Variants in LARS2 observed in about 807,000 individuals in gnomAD.
The protein encoded by LARS2 is leucyl-tRNA synthetase 2, mitochondrial, also known as leucine--tRNA ligase, mitochondrial.
In LARS2, 81 loss-of-function variants were observed where a neutral mutation model predicts 116.6. The observed-to-expected ratio is 0.69, with a 90% CI of 0.58 to 0.84. The LOEUF (loss-of-function observed/expected upper bound fraction) is 0.84. Ranked by LOEUF, LARS2 falls within the 40% of genes least tolerant of loss-of-function variation. The probability of loss-of-function intolerance (pLI) is 0.00; values close to 1 mark genes in which losing one functional copy is unlikely to be tolerated. For synonymous variants in LARS2, 396 were observed against 407.2 expected, an observed-to-expected ratio of 0.97 and a Z score of 0.33; for missense variants, 968 against 1,114.5, an observed-to-expected ratio of 0.87 and a Z score of 1.87.
At chr3:45,520,028 AAC>A (rs1314677553) in intron 18 of LARS2, among the ~76,000 whole-genome samples, 189 bp from the exon 19 acceptor site, 1 of 152,224 alleles carries the variant, frequency 6.6e-6, no homozygotes, top group Admixed American at 6.5e-5. Context: ...AAACAGTGGA[AAC>A]AGTGTTGACT....
chr3:45,429,698 CTTTTTTTTTTTT>C (rs35874596), intron 6 of LARS2, among the ~76,000 whole-genome samples: 1 of 108,140 alleles, frequency 9.2e-6, no homozygotes, highest in South Asian at 3.2e-4. Context: ...CATCCTTCTG[CTTTTTTTTTTTT>C]TTTTTTTTTG....
intron 17 of LARS2, among the ~76,000 whole-genome samples, chr3:45,516,787 C>T (rs1166854630): frequency 6.6e-6 from 1 of 152,174 alleles, no homozygotes; most frequent in African/African-American, 2.4e-5. Flanking sequence ...CCTGTTGTTA[C>T]CTATGGCCTC....
intron 4 of LARS2, among the ~76,000 whole-genome samples, chr3:45,414,511 A>C (rs945206904): frequency 1.3e-5 from 2 of 152,188 alleles, no homozygotes; most frequent in Admixed American, 1.3e-4. Context: ...AGTGCCTCTC[A>C]GTATTCGTCA....
chr3:45,483,238 C>T (rs764438354), intron 10 of LARS2, among the ~76,000 whole-genome samples: 31 of 152,342 alleles, frequency 2.0e-4, no homozygotes, highest in Middle Eastern at 3.4e-3. Context: ...TCTTTTGATT[C>T]ACCAGTTCTA....
intron 20 of LARS2, among the ~76,000 whole-genome samples, chr3:45,537,673 G>A (rs568890577): frequency 1.3e-5 from 2 of 152,320 alleles, no homozygotes; most frequent in South Asian, 2.1e-4. Flanking sequence ...GCAGGGATCG[G>A]ACGCCGCAGA....
intron 6 of LARS2, chr3:45,422,408 T>G (rs902178352): frequency 6.6e-6 from 1 of 152,246 alleles, no homozygotes; most frequent in Non-Finnish European, 1.5e-5. Context: ...CATACAGATA[T>G]GTACTTAGAC....
chr3:45,441,598 G>A (rs953767663), intron 6 of LARS2, among the ~76,000 whole-genome samples: 2 of 152,210 alleles, frequency 1.3e-5, no homozygotes, highest in African/African-American at 4.8e-5. Flanking sequence ...GGAGGCTTCA[G>A]TGGGGCACAT....
intron 20 of LARS2, among the ~76,000 whole-genome samples, chr3:45,540,775 T>G (rs1700782284): frequency 6.6e-6 from 1 of 151,826 alleles, no homozygotes. Context: ...TATCTATCTA[T>G]CTATCTATCT....
At chr3:45,507,390 A>G (rs868075135) in intron 15 of LARS2, among the ~76,000 whole-genome samples, 7 of 152,126 alleles carry the variant, frequency 4.6e-5, no homozygotes, top group South Asian at 2.1e-4. Flanking sequence ...TTGGCAATAC[A>G]TAGTGAGAGC....
chr3:45,418,593 A>G (rs1227848922), intron 5 of LARS2, among the ~76,000 whole-genome samples: 3 of 152,224 alleles, frequency 2.0e-5, no homozygotes, highest in Non-Finnish European at 1.5e-5. Flanking sequence ...TCTGTAAATC[A>G]AGTTTTATTG....
chr3:45,401,001 G>A (rs752388622), intron 4 of LARS2, among the ~76,000 whole-genome samples: 7 of 151,972 alleles, frequency 4.6e-5, no homozygotes, highest in African/African-American at 7.3e-5. Context: ...TTTTAGTAGA[G>A]ACGGTTTCAC....
At chr3:45,542,098 A>C (rs954573809) in intron 21 of LARS2, 142 bp downstream of exon 21, 136 of 1,010,568 alleles carry the variant, frequency 1.3e-4, no homozygotes, top group Non-Finnish European at 1.8e-4. Context: ...TGTGACCGGA[A>C]GGCACAAAGG....
chr3:45,464,633 C>G (rs778939787), intron 8 of LARS2, among the ~76,000 whole-genome samples: 4 of 152,184 alleles, frequency 2.6e-5, no homozygotes, highest in Non-Finnish European at 5.9e-5. Context: ...CTACTCTGCC[C>G]TCTGACCTCA....
intron 5 of LARS2, among the ~76,000 whole-genome samples, chr3:45,419,060 C>T (rs1413841941): frequency 6.6e-6 from 1 of 152,016 alleles, no homozygotes; most frequent in African/African-American, 2.4e-5. Flanking sequence ...CTGCTAGAAT[C>T]TAAAAGAGGA....
chr3:45,435,678 C>T (rs971106923), intron 6 of LARS2, among the ~76,000 whole-genome samples: 3 of 151,566 alleles, frequency 2.0e-5, no homozygotes, highest in Non-Finnish European at 2.9e-5. Flanking sequence ...TCTCTGTACT[C>T]ATTGGCATTT....
intron 4 of LARS2, among the ~76,000 whole-genome samples, chr3:45,410,442 GTGTT>G (rs968913336): frequency 1.3e-5 from 2 of 151,894 alleles, no homozygotes; most frequent in African/African-American, 2.4e-5. Context: ...AGCCTAAACA[GTGTT>G]TGTTTTAGTC....
At chr3:45,500,171 T>C (rs1267447502) in intron 14 of LARS2, among the ~76,000 whole-genome samples, 3 of 152,116 alleles carry the variant, frequency 2.0e-5, no homozygotes, top group African/African-American at 7.2e-5. Context: ...CTGGCTAATT[T>C]TTGTATTTTT....
At chr3:45,540,307 TATA>T (rs1308991719) in intron 20 of LARS2, among the ~76,000 whole-genome samples, 2 of 152,200 alleles carry the variant, frequency 1.3e-5, no homozygotes, top group Admixed American at 6.5e-5. Context: ...CTTTTATTTT[TATA>T]TTTTGGGCCT....
chr3:45,527,915 A>G (rs753108005), intron 20 of LARS2, among the ~76,000 whole-genome samples: 1 of 152,224 alleles, frequency 6.6e-6, no homozygotes, highest in Non-Finnish European at 1.5e-5. Flanking sequence ...TGAATTTCTT[A>G]TAACACTGAG....
Sources: gnomAD v4.1 joint callset for allele counts (sites outside exome capture counted in the v4.1 genomes callset) on GRCh38, gnomAD v4.1.1 for gene constraint, MANE v1.5 for transcripts, NCBI Gene and HGNC (gene_info 2026-07-23, HGNC 2026-07-21) for gene names.